The following SVEP1 variants were observed in gnomAD, a reference collection of about 807,000 sequenced individuals.
The protein encoded by SVEP1 is sushi, von Willebrand factor type A, EGF and pentraxin domain-containing protein 1.
SVEP1 carries 164 observed loss-of-function variants against 367.3 expected under a neutral mutation model. The ratio of observed to expected loss-of-function variants is 0.45; its 90% CI spans 0.39 to 0.51. SVEP1 has a LOEUF of 0.51. Among genes scored for constraint, SVEP1 ranks in the 20% least tolerant of loss-of-function variants. The pLI is 0.00. For missense variants in SVEP1, 4,117 were observed against 4,425.3 expected (o/e 0.93, Z 1.98); for synonymous variants, 1,666 against 1,611.6 (o/e 1.03, Z -0.81).
chr9:110,563,287 A>T (rs1385522113), intron 1 of SVEP1, among the ~76,000 whole-genome samples: 3 of 152,168 alleles, frequency 2.0e-5, no homozygotes, highest in Non-Finnish European at 2.9e-5. Context: ...CTTTTACTAC[A>T]TATGACATAT....
chr9:110,536,701 C>CT (rs1303746269), intron 3 of SVEP1, among the ~76,000 whole-genome samples: 4 of 151,726 alleles, frequency 2.6e-5, no homozygotes, highest in East Asian at 1.9e-4. Context: ...AGAAGCTTTT[C>CT]TTTTTTTTAT....
intron 3 of SVEP1, among the ~76,000 whole-genome samples, chr9:110,518,370 C>A (rs1829835139): frequency 6.6e-6 from 1 of 151,094 alleles, no homozygotes; most frequent in South Asian, 2.1e-4. Flanking sequence ...TGCAGTGAGC[C>A]ATGATAGCGC....
rs575428631 is a variant in SVEP1 at position 110,441,802 on chromosome 9, T to A, written c.4639+1743A>T. Reference sequence around the variant, plus strand: ...TCTTTGTTGTTTAGGAATTTTCACATACACCCTATTACTTCTTTCTGCTCG... The same window carrying A: ...TCTTTGTTGTTTAGGAATTTTCACAAACACCCTATTACTTCTTTCTGCTCG... On this transcript the variant is annotated intron_variant, in intron 27 of 47. Transcript: ENST00000374469. Among the ~76,000 whole-genome samples the A allele has an allele frequency of 5.3e-5, 8 of 152,302 alleles. No individual in the cohort carries two copies. The South Asian group carries it at 1.7e-3, about 32-fold the overall frequency.
Position 110,482,353 on chromosome 9 carries a change from G to A in SVEP1, c.2170+8C>T, listed in dbSNP as rs368162111. On this transcript the variant is annotated splice_region_variant and intron_variant, in intron 11 of 47. Transcript: ENST00000374469. ...AACTAGAATTCTGGGGACTTATGAA[G>A]ACAATACCTTTTATGACAATATGGA... The A allele has an allele frequency of 1.6e-5, 26 of 1,610,142 alleles. No individual in the cohort carries two copies. Among genetic ancestry groups the A allele is most frequent in the Non-Finnish European group, 1.7e-6 (2 of 1,178,352 alleles).
At chr9:110,387,178 C>G (rs1827537888) in intron 42 of SVEP1, 107 bp downstream of exon 42, 2 of 1,174,690 alleles carry the variant, frequency 1.7e-6, no homozygotes, top group East Asian at 5.2e-5. Flanking sequence ...ATTGCTTTCT[C>G]TGGGCCCATA....
At chr9:110,434,123 C>T (rs1002169716) in intron 30 of SVEP1, among the ~76,000 whole-genome samples, 1 of 152,188 alleles carries the variant, frequency 6.6e-6, no homozygotes, top group Non-Finnish European at 1.5e-5. Context: ...CTTGCATCAC[C>T]TTGGATGCAT....
At chr9:110,499,371 T>C (rs1828338722) in intron 6 of SVEP1, 133 bp from the exon 7 acceptor site, 11 of 743,720 alleles carry the variant, frequency 1.5e-5, no homozygotes, top group South Asian at 1.5e-4. Flanking sequence ...TAACTATATA[T>C]GACATTGAAT....
chr9:110,563,431 T>C (rs1830454479), intron 1 of SVEP1, among the ~76,000 whole-genome samples: 1 of 152,212 alleles, frequency 6.6e-6, no homozygotes, highest in Non-Finnish European at 1.5e-5. Flanking sequence ...AAAATTATTT[T>C]AGAGAAACAT....
Position 110,432,039 on chromosome 9 carries a change from A to T in SVEP1, c.5234-5T>A. On this transcript the variant is annotated splice_polypyrimidine_tract_variant and splice_region_variant and intron_variant, in intron 31 of 47. Transcript: ENST00000374469. ...CAACTGCACACTCATCGACATCTAA[A>T]ATGAAGACAGCTTATAAATATTAAA... 1 of 1,592,072 alleles carries T rather than the reference A, an allele frequency of 6.3e-7. No individual in the cohort carries two copies. The highest frequency in any genetic ancestry group is 8.5e-7 in the Non-Finnish European group (1 of 1,171,888).
At chr9:110,574,400 A>G (rs1459000333) in intron 1 of SVEP1, among the ~76,000 whole-genome samples, 3 of 152,220 alleles carry the variant, frequency 2.0e-5, no homozygotes, top group Non-Finnish European at 2.9e-5. Context: ...TTTCACACAA[A>G]GGCTAGGTCA....
At chr9:110,429,897 T>C (rs1042580395) in intron 34 of SVEP1, 23 bp downstream of exon 34, 1 of 1,598,390 alleles carries the variant, frequency 6.3e-7, no homozygotes, top group Non-Finnish European at 8.6e-7. Flanking sequence ...TTCTACAATA[T>C]AGTTTTAATC....
rs1358712140 is a variant in SVEP1 at position 110,503,115 on chromosome 9, C to T, written c.1406G>A (p.Gly469Glu). Residue 469 changes from glycine (G) to glutamate (E), a missense_variant, in exon 6 of 48, where the codon GGG becomes GAG. Physicochemically the swap from Gly to Glu is moderately conservative, Grantham distance 98. Coordinates refer to ENST00000374469, the MANE Select transcript of SVEP1 (RefSeq NM_153366.4). Reference protein sequence around the residue: ...KTTCLVACDEGYRLEGSDKLT... With the variant: ...KTTCLVACDEEYRLEGSDKLT... ...CTTATCACTGCCTTCTAGTCTGTAC[C>T]CTTCATCACAGGCAACCAAACATGT... is the stretch of plus-strand genomic sequence containing the variant. The T allele has an allele frequency of 1.2e-6, 2 of 1,612,418 alleles. No individual in the cohort carries two copies. The highest frequency in any genetic ancestry group is 2.7e-5 in the African/African-American group (2 of 74,950).
At chr9:110,534,337 G>A (rs937819248) in intron 3 of SVEP1, among the ~76,000 whole-genome samples, 1 of 152,116 alleles carries the variant, frequency 6.6e-6, no homozygotes, top group Admixed American at 6.5e-5. Context: ...CTCCATCTAT[G>A]TTCCTGCAAA....
intron 43 of SVEP1, among the ~76,000 whole-genome samples, chr9:110,385,399 G>C (rs916853786): frequency 8.5e-5 from 13 of 152,344 alleles, no homozygotes; most frequent in Middle Eastern, 3.4e-3. Context: ...CTAACCTATA[G>C]TGCTGGTGCT....
At chr9:110,492,190 G>C (rs1206599472) in intron 8 of SVEP1, among the ~76,000 whole-genome samples, 1 of 152,072 alleles carries the variant, frequency 6.6e-6, no homozygotes, top group Admixed American at 6.5e-5. Flanking sequence ...TCCCTCATAA[G>C]AGAGAAAAGT....
chr9:110,460,594 A>G (rs1828843432), intron 18 of SVEP1, among the ~76,000 whole-genome samples: 1 of 152,188 alleles, frequency 6.6e-6, no homozygotes, highest in African/African-American at 2.4e-5. Flanking sequence ...CTCTACTAAA[A>G]GTACAAAAAT....
At chr9:110,476,862 T>C (rs1829103941) in intron 13 of SVEP1, among the ~76,000 whole-genome samples, 1 of 152,146 alleles carries the variant, frequency 6.6e-6, no homozygotes, top group Admixed American at 6.5e-5. Flanking sequence ...TTCTCACTCT[T>C]CGTTGCTGTT....
At position 110,486,190 on chromosome 9, in the gene SVEP1, G is replaced by A. The variant is rs551881568; in HGVS notation, c.1931-2497C>T. Among the ~76,000 whole-genome samples the A allele has an allele frequency of 6.2e-4, 95 of 152,340 alleles. 1 individual carries two copies. Among genetic ancestry groups the A allele is most frequent in the Non-Finnish European group, 9.3e-4 (63 of 68,028 alleles). ...GAATGCTGAATCAAGTCAATTCATA[G>A]CTAAATTTACAAATCCAGCAGTATT... On this transcript the variant is annotated intron_variant, in intron 9 of 47. Coordinates refer to ENST00000374469, the MANE Select transcript of SVEP1 (RefSeq NM_153366.4).
At chr9:110,395,532 G>C (rs917227844) in intron 40 of SVEP1, among the ~76,000 whole-genome samples, 4 of 152,172 alleles carry the variant, frequency 2.6e-5, no homozygotes, top group Admixed American at 2.6e-4. Context: ...TGGGCTAAAT[G>C]CTCCAATTAA....
Sources: gnomAD v4.1 joint callset for allele counts (sites outside exome capture counted in the v4.1 genomes callset) on GRCh38, gnomAD v4.1.1 for gene constraint, MANE v1.5 for transcripts, NCBI Gene and HGNC (gene_info 2026-07-23, HGNC 2026-07-21) for gene names.